The following CRYM variants were observed in gnomAD, a reference collection of about 807,000 sequenced individuals.
CRYM encodes the protein crystallin mu, also known as ketimine reductase mu-crystallin.
CRYM carries 18 observed loss-of-function variants against 32.9 expected under a neutral mutation model. The observed-to-expected ratio is 0.55, with a 90% CI of 0.38 to 0.81. The LOEUF is 0.81. Ranked by LOEUF, CRYM falls within the 30% of genes least tolerant of loss-of-function variation. CRYM has a pLI of 0.00. For missense variants in CRYM, 337 were observed against 393.5 expected (o/e 0.86, Z 1.21); for synonymous variants, 153 against 152.4 (o/e 1.00, Z -0.03).
chr16:21,267,404 T>C (rs2093365995), intron 5 of CRYM, 150 bp downstream of exon 5: 3 of 847,182 alleles, frequency 3.5e-6, no homozygotes, highest in Non-Finnish European at 5.8e-6. Flanking sequence ...AGCCAAATAT[T>C]GTTTTTTTCA....
chr16:21,267,929 C>T (rs2093367557), intron 4 of CRYM, among the ~76,000 whole-genome samples, 192 bp from the exon 5 acceptor site: 1 of 152,194 alleles, frequency 6.6e-6, no homozygotes, highest in East Asian at 1.9e-4. Context: ...AGACACCTAG[C>T]CAGGTATTTG....
chr16:21,297,909 C>A (rs1333127101), intron 1 of CRYM, among the ~76,000 whole-genome samples: 1 of 152,206 alleles, frequency 6.6e-6, no homozygotes. Context: ...AACTGTATCA[C>A]AGAGGTTAAA....
At chr16:21,271,485 G>C (rs1316875891) in intron 3 of CRYM, among the ~76,000 whole-genome samples, 1 of 152,142 alleles carries the variant, frequency 6.6e-6, no homozygotes, top group South Asian at 2.1e-4. Flanking sequence ...CTAATTACTA[G>C]CAAAACAGCA....
chr16:21,281,136 G>GTATA (rs757721670), upstream of CRYM, among the ~76,000 whole-genome samples: 24 of 146,764 alleles, frequency 1.6e-4, no homozygotes, highest in African/African-American at 4.8e-4. Context: ...CTCTCTCTCT[G>GTATA]TATATATATA....
chr16:21,279,157 T>C (rs946707528), upstream of CRYM, among the ~76,000 whole-genome samples: 1 of 152,112 alleles, frequency 6.6e-6, no homozygotes, highest in African/African-American at 2.4e-5. Flanking sequence ...ACGACAACAA[T>C]GATAACATCA....
chr16:21,299,307 T>A (rs576985583), intron 1 of CRYM, among the ~76,000 whole-genome samples: 39 of 152,026 alleles, frequency 2.6e-4, no homozygotes, highest in Non-Finnish European at 4.0e-4. Context: ...TTTTTTTTTT[T>A]AATTTTTTTT....
At position 21,295,939 on chromosome 16, in the gene CRYM, A is replaced by G. The variant is rs555467248; in HGVS notation, c.-193+7039T>C. On this transcript the variant is annotated intron_variant, in intron 1 of 9. Coordinates refer to the CRYM transcript ENST00000219599. ...ACAGATCAAGACTCCGTCTAAAAAA[A>G]AAAAAAGAAAGTTATTTTGTTGCAC... is the stretch of plus-strand genomic sequence containing the variant. Among the ~76,000 whole-genome samples, 6 of 152,336 alleles carry G rather than the reference A, an allele frequency of 3.9e-5. No individual in the cohort carries two copies. In the South Asian group the frequency reaches 1.0e-3, roughly 26 times the overall value.
At chr16:21,260,662 CA>C (rs926060884) in intron 7 of CRYM, among the ~76,000 whole-genome samples, 22 of 152,150 alleles carry the variant, frequency 1.4e-4, no homozygotes, top group African/African-American at 5.3e-4. Flanking sequence ...GGGCAAGGGA[CA>C]GACTGGCCAC....
At chr16:21,272,651 ATTTT>A (rs11353509) in intron 3 of CRYM, among the ~76,000 whole-genome samples, 1 of 133,396 alleles carries the variant, frequency 7.5e-6, no homozygotes. Context: ...ATTGGTGTGA[ATTTT>A]TTTTTTTTTT....
At position 21,261,266 on chromosome 16, in the gene CRYM, A is replaced by G; in HGVS notation, c.868T>C (p.Phe290Leu). 6.2e-7 allele frequency: 1 copy of G among 1,613,416 alleles called. No individual in the cohort carries two copies. The highest frequency in any genetic ancestry group is 1.1e-5 in the South Asian group (1 of 91,064). ...CAATGGATCTTACCCAAAGACTTGAACACGGTGGTCTTCTCACAGTGGGCT... is the reference window on the plus strand; with the variant it reads ...CAATGGATCTTACCCAAAGACTTGAGCACGGTGGTCTTCTCACAGTGGGCT... ...KPAHCEKTTV[F>L]KSLGMAVEDT... is the part of the protein sequence containing the mutation. The change falls in exon 7 of 8, where the codon TTC (phenylalanine) becomes CTC (leucine). Residue 290 changes from phenylalanine (F) to leucine (L), a missense_variant. Transcript: ENST00000572914.
In CRYM at chr16:21,275,586, A is replaced by G; in HGVS notation, c.333T>C (p.Asp111=). 2 of 1,613,958 alleles carry G rather than the reference A, an allele frequency of 1.2e-6. No homozygotes were observed. The highest frequency in any genetic ancestry group is 1.7e-6 in the Non-Finnish European group (2 of 1,179,840). The part of the protein sequence containing the change: ...PSNGTLLAVM[D]GNVITAKRTA... Reference sequence around the variant, plus strand: ...TTCTCTTTGCAGTTATGACATTTCCATCCATGACCTTGGAGGAAAAGAGAG... The same window carrying G: ...TTCTCTTTGCAGTTATGACATTTCCGTCCATGACCTTGGAGGAAAAGAGAG... Residue 111 remains aspartate, a synonymous_variant, in exon 3 of 8, where the codon GAT becomes GAC. Transcript: ENST00000572914.
chr16:21,270,603 G>A (rs1419026615), intron 3 of CRYM, among the ~76,000 whole-genome samples: 6 of 152,092 alleles, frequency 3.9e-5, no homozygotes, highest in Admixed American at 3.9e-4. Context: ...AACTATTGAA[G>A]GGCACAGTGT....
Position 21,300,940 on chromosome 16 carries a change from G to C in CRYM, c.-193+2038C>G, listed in dbSNP as rs1321296543. 3 of 152,576 alleles carry C rather than the reference G, an allele frequency of 2.0e-5. No homozygotes were observed. In the East Asian group the frequency reaches 5.8e-4, roughly 29 times the overall value. 9.5% of individuals were successfully genotyped at this position (152,576 alleles called of 1,614,324 possible). A position where few individuals can be genotyped will look rare whatever the true frequency, so the allele number is the denominator to read the frequency against. Reference sequence around the variant, plus strand: ...CGGAGGTGGAAACGCCGGAGTGGCTGGCGGGTAAAGGCAGCGGGCGCAGAT... The same window carrying C: ...CGGAGGTGGAAACGCCGGAGTGGCTCGCGGGTAAAGGCAGCGGGCGCAGAT... On this transcript the variant is annotated intron_variant, in intron 1 of 9. Transcript: ENST00000219599.
intron 7 of CRYM, among the ~76,000 whole-genome samples, chr16:21,260,398 C>G (rs2093352257): frequency 6.6e-6 from 1 of 152,118 alleles, no homozygotes; most frequent in Non-Finnish European, 1.5e-5. Context: ...CTTCCGGGTT[C>G]AAGTGATTCT....
intron 1 of CRYM, among the ~76,000 whole-genome samples, chr16:21,294,473 G>A (rs760661801): frequency 3.3e-5 from 5 of 151,972 alleles, no homozygotes; most frequent in Non-Finnish European, 5.9e-5. Context: ...ATGTGCATTA[G>A]GTATTTGTCC....
chr16:21,287,715 C>A (rs1398641161), intron 1 of CRYM, among the ~76,000 whole-genome samples: 1 of 152,220 alleles, frequency 6.6e-6, no homozygotes, highest in Non-Finnish European at 1.5e-5. Context: ...GGTTGGTGAA[C>A]CCATCGGTGT....
At chr16:21,290,701 C>T (rs1302219915) in intron 1 of CRYM, among the ~76,000 whole-genome samples, 1 of 152,150 alleles carries the variant, frequency 6.6e-6, no homozygotes, top group Non-Finnish European at 1.5e-5. Flanking sequence ...CTTATTTACT[C>T]ATATATATTC....
At chr16:21,290,382 C>G (rs116986998) in intron 1 of CRYM, among the ~76,000 whole-genome samples, 1 of 152,094 alleles carries the variant, frequency 6.6e-6, no homozygotes, top group Non-Finnish European at 1.5e-5. Context: ...TCTGCAGCTT[C>G]TCTCCTGAGG....
chr16:21,290,156 G>C (rs573920698), intron 1 of CRYM, among the ~76,000 whole-genome samples: 2 of 152,248 alleles, frequency 1.3e-5, no homozygotes, highest in South Asian at 2.1e-4. Context: ...GGCAATGTCG[G>C]ATCCCCTTCC....
Sources: allele counts gnomAD v4.1 joint callset (sites outside exome capture counted in the v4.1 genomes callset), GRCh38; gene constraint gnomAD v4.1.1; transcripts MANE v1.5; gene names NCBI Gene and HGNC (gene_info 2026-07-23, HGNC 2026-07-21).